The following MKLN1 variants were observed in gnomAD, a reference collection of about 807,000 sequenced individuals.
MKLN1 encodes the protein muskelin.
In MKLN1, 18 loss-of-function variants were observed where a neutral mutation model predicts 99.0. The ratio of observed to expected loss-of-function variants is 0.18; its 90% CI spans 0.13 to 0.27. The LOEUF is 0.27. Ranked by LOEUF, MKLN1 falls within the 10% of genes least tolerant of loss-of-function variation. The pLI, the probability that MKLN1 is intolerant of heterozygous loss-of-function variation, is 1.00. For synonymous variants in MKLN1, 288 were observed against 293.2 expected (o/e 0.98, Z 0.18); for missense variants, 621 against 875.9 (o/e 0.71, Z 3.67).
At chr7:131,140,665 C>G (rs1448077837) in intron 1 of MKLN1, among the ~76,000 whole-genome samples, 1 of 152,190 alleles carries the variant, frequency 6.6e-6, no homozygotes, top group Non-Finnish European at 1.5e-5. Flanking sequence ...GACTGCCATG[C>G]TTCTTATACG....
rs1795756742 is a variant in MKLN1, at chr7:131,142,839, C to CA, written c.-396dup. The stretch of plus-strand genomic sequence containing the variant: ...TTCCAGAGTTCCATATCCAGACTCT[C>CA]AAACCATGTTTTGGGATCATCCAAA... On this transcript the variant is annotated 5_prime_UTR_variant, in exon 2 of 8. Coordinates refer to the MKLN1 transcript ENST00000416992. The CA allele has an allele frequency of 5.1e-6, 6 of 1,174,738 alleles. No individual in the cohort carries two copies. In the East Asian group the frequency reaches 3.5e-4, roughly 68 times the overall value. 72.8% of individuals were successfully genotyped at this position (1,174,738 alleles called of 1,614,324 possible). A position where few individuals can be genotyped will look rare whatever the true frequency, so the allele number is the denominator to read the frequency against.
chr7:131,426,073 A>G (rs972718317), intron 8 of MKLN1, among the ~76,000 whole-genome samples: 1 of 152,188 alleles, frequency 6.6e-6, no homozygotes, highest in Non-Finnish European at 1.5e-5. Flanking sequence ...CAAAGCTTTC[A>G]TGGATAGGAA....
chr7:131,164,932 G>A (rs1298289184), intron 2 of MKLN1, among the ~76,000 whole-genome samples: 1 of 152,198 alleles, frequency 6.6e-6, no homozygotes, highest in Non-Finnish European at 1.5e-5. Flanking sequence ...GAGCAACAAC[G>A]ATGAACAAGA....
At chr7:131,230,842 C>T (rs1019459435) in intron 3 of MKLN1, among the ~76,000 whole-genome samples, 5 of 152,086 alleles carry the variant, frequency 3.3e-5, no homozygotes, top group African/African-American at 4.8e-5. Context: ...CTCTTTTGGC[C>T]GGGCACAGTG....
intron 12 of MKLN1, among the ~76,000 whole-genome samples, chr7:131,456,211 G>A (rs769155212): frequency 9.9e-5 from 15 of 151,962 alleles, no homozygotes; most frequent in Non-Finnish European, 1.9e-4. Flanking sequence ...TTTTGATAAT[G>A]CCGTTTTTAT....
intron 2 of MKLN1, among the ~76,000 whole-genome samples, chr7:131,157,222 A>T (rs975557946): frequency 1.3e-5 from 2 of 152,168 alleles, no homozygotes; most frequent in Non-Finnish European, 2.9e-5. Context: ...TCTACAAAAA[A>T]TACAAAAAAT....
intron 15 of MKLN1, among the ~76,000 whole-genome samples, 179 bp downstream of exon 15, chr7:131,466,594 C>G (rs1796668210): frequency 6.6e-6 from 1 of 151,992 alleles, no homozygotes; most frequent in Admixed American, 6.6e-5. Context: ...GATATTGATG[C>G]TAAAAATTTA....
intron 12 of MKLN1, among the ~76,000 whole-genome samples, chr7:131,456,213 C>T (rs192561757): frequency 1.5e-4 from 23 of 151,774 alleles, no homozygotes; most frequent in African/African-American, 4.6e-4. Context: ...TTGATAATGC[C>T]GTTTTTATTT....
intron 16 of MKLN1, chr7:131,478,409 T>A (rs1484028082): frequency 2.4e-6 from 1 of 424,920 alleles, no homozygotes; most frequent in Non-Finnish European, 4.1e-6. Flanking sequence ...GGCCCAGTAT[T>A]TTAGAAAATG....
intron 3 of MKLN1, among the ~76,000 whole-genome samples, chr7:131,247,604 A>G (rs1797511819): frequency 6.6e-6 from 1 of 152,114 alleles, no homozygotes; most frequent in African/African-American, 2.4e-5. Flanking sequence ...TTGTTGACTG[A>G]TGCCACTTCC....
intron 3 of MKLN1, among the ~76,000 whole-genome samples, chr7:131,296,814 G>A (rs1257233757): frequency 1.3e-5 from 2 of 152,122 alleles, no homozygotes; most frequent in Non-Finnish European, 2.9e-5. Flanking sequence ...TCAGCTCACT[G>A]CAGCCTCAAC....
chr7:131,389,683 A>G lies in MKLN1; in HGVS notation c.400+711A>G, dbSNP rs184277181. Among the ~76,000 whole-genome samples the G allele has an allele frequency of 5.4e-4, 82 of 152,152 alleles. 1 individual carries two copies. Among genetic ancestry groups the G allele is most frequent in the African/African-American group, 2.0e-3 (81 of 41,496 alleles). The stretch of plus-strand genomic sequence containing the variant: ...ATTTAGAAGGTAGGGAAATTGAGCA[A>G]TTAAATCCTGGCTAACATGGTGAAA... On this transcript the variant is annotated intron_variant, in intron 4 of 17. Coordinates refer to ENST00000352689, the MANE Select transcript of MKLN1 (RefSeq NM_013255.5).
At chr7:131,327,870 G>T, upstream of MKLN1, 1 of 1,606,666 alleles carries the variant, frequency 6.2e-7, no homozygotes, top group Non-Finnish European at 8.5e-7. Flanking sequence ...GCTGCCAGCG[G>T]TCGGTGGCGG....
At chr7:131,371,327 G>A (rs781472840) in intron 1 of MKLN1, among the ~76,000 whole-genome samples, 1 of 151,796 alleles carries the variant, frequency 6.6e-6, no homozygotes, top group African/African-American at 2.4e-5. Flanking sequence ...GGCATTCTTC[G>A]GTTTCTTTTG....
rs1797729211 is a variant in MKLN1 at position 131,261,401 on chromosome 7, G to C, written c.-179+58427G>C. Among the ~76,000 whole-genome samples the C allele has an allele frequency of 2.0e-5, 3 of 151,950 alleles. 1 individual carries two copies. The South Asian group carries it at 6.2e-4, about 31-fold the overall frequency. ...CAATAAGCATATGAAAAAATGCTCA[G>C]CGTCACTAACTATTAGAGAAACGCA... On this transcript the variant is annotated intron_variant, in intron 3 of 7. Coordinates refer to the MKLN1 transcript ENST00000416992.
At chr7:131,458,722 T>C (rs1219528146) in intron 12 of MKLN1, among the ~76,000 whole-genome samples, 1 of 152,078 alleles carries the variant, frequency 6.6e-6, no homozygotes, top group South Asian at 2.1e-4. Flanking sequence ...CATATATATA[T>C]ATATGTAGTC....
chr7:131,221,643 G>T (rs1256932247), intron 3 of MKLN1, among the ~76,000 whole-genome samples: 1 of 151,124 alleles, frequency 6.6e-6, no homozygotes, highest in African/African-American at 2.4e-5. Flanking sequence ...GAGTAGCTGG[G>T]ATTACAGGTG....
intron 2 of MKLN1, among the ~76,000 whole-genome samples, chr7:131,375,702 T>C (rs1304364261): frequency 6.6e-6 from 1 of 152,130 alleles, no homozygotes; most frequent in Non-Finnish European, 1.5e-5. Flanking sequence ...TGATGAAACA[T>C]GGACTTTTAC....
rs1795196267 is a variant in MKLN1 at position 131,111,403 on chromosome 7, A to AT, written c.-419+1199dup. ...CTTGTTTTCCTAATTTGATTTCTGT[A>AT]TTTGCGTCACTGCCAGGGACACTCA... is the stretch of plus-strand genomic sequence containing the variant. On this transcript the variant is annotated intron_variant, in intron 1 of 7. Transcript: ENST00000416992. Among the ~76,000 whole-genome samples the AT allele has an allele frequency of 2.0e-5, 3 of 152,144 alleles. No homozygotes were observed. In the South Asian group the frequency reaches 6.2e-4, roughly 32 times the overall value.
Sources: gnomAD v4.1 joint callset for allele counts (sites outside exome capture counted in the v4.1 genomes callset) on GRCh38, gnomAD v4.1.1 for gene constraint, MANE v1.5 for transcripts, NCBI Gene and HGNC (gene_info 2026-07-23, HGNC 2026-07-21) for gene names.